CELF4: variants seen among roughly 807,000 people sequenced by gnomAD.
CELF4 encodes the protein CUGBP Elav-like family member 4.
A neutral mutation model predicts 59.9 loss-of-function variants in CELF4; 18 were observed. The observed-to-expected ratio is 0.30, with a 90% CI of 0.21 to 0.45. CELF4 has a LOEUF of 0.45. CELF4 is among the 20% of genes least tolerant of loss of function. The pLI is 1.00. For missense variants in CELF4, 456 were observed against 689.0 expected (o/e 0.66, Z 3.79); for synonymous variants, 261 against 267.1 (o/e 0.98, Z 0.22).
intron 1 of CELF4, among the ~76,000 whole-genome samples, chr18:37,538,944 G>A (rs1362264195): frequency 2.0e-5 from 3 of 152,128 alleles, no homozygotes; most frequent in African/African-American, 7.2e-5. Context: ...CCTCTCTGCG[G>A]AGTCTCCTTC....
intron 2 of CELF4, among the ~76,000 whole-genome samples, chr18:37,326,595 G>A (rs2097322805): frequency 6.6e-6 from 1 of 152,168 alleles, no homozygotes; most frequent in African/African-American, 2.4e-5. Context: ...AGCCAGGCCT[G>A]CCTTCCCTGG....
intron 1 of CELF4, among the ~76,000 whole-genome samples, chr18:37,492,338 T>C (rs1036420395): frequency 6.6e-6 from 1 of 152,120 alleles, no homozygotes; most frequent in Non-Finnish European, 1.5e-5. Flanking sequence ...CATCACTCCT[T>C]AGTGGTCCTC....
chr18:37,336,188 G>A (rs748963301), intron 2 of CELF4, among the ~76,000 whole-genome samples: 7 of 152,114 alleles, frequency 4.6e-5, no homozygotes, highest in South Asian at 2.1e-4. Context: ...GCCAGAATGC[G>A]CCCCTCACGG....
intron 3 of CELF4, among the ~76,000 whole-genome samples, chr18:37,293,626 T>A (rs914161463): frequency 6.6e-6 from 1 of 152,164 alleles, no homozygotes; most frequent in Non-Finnish European, 1.5e-5. Context: ...CTGTAGGCTG[T>A]GAGATCACTG....
At chr18:37,440,571 A>G (rs1021165951) in intron 2 of CELF4, among the ~76,000 whole-genome samples, 15 of 152,210 alleles carry the variant, frequency 9.9e-5, no homozygotes, top group African/African-American at 3.6e-4. Context: ...ACAGAGGAGA[A>G]GTGGTGTCTC....
intron 3 of CELF4, among the ~76,000 whole-genome samples, chr18:37,318,956 C>G (rs1303016054): frequency 4.6e-5 from 7 of 152,154 alleles, no homozygotes; most frequent in African/African-American, 1.7e-4. Flanking sequence ...CATGCCATCC[C>G]CCCTTCTCAA....
intron 3 of CELF4, among the ~76,000 whole-genome samples, chr18:37,286,163 G>C (rs1170538052): frequency 6.6e-6 from 1 of 152,134 alleles, no homozygotes; most frequent in Non-Finnish European, 1.5e-5. Flanking sequence ...GCAAGAAGAG[G>C]AGAGACCAAG....
intron 1 of CELF4, among the ~76,000 whole-genome samples, chr18:37,551,324 C>A (rs1015775092): frequency 2.6e-5 from 4 of 152,194 alleles, no homozygotes; most frequent in Non-Finnish European, 4.4e-5. Context: ...CCATGACTGC[C>A]CCCCTGGGCT....
intron 11 of CELF4, among the ~76,000 whole-genome samples, chr18:37,257,976 A>T (rs551411412): frequency 6.6e-6 from 1 of 152,214 alleles, no homozygotes; most frequent in Non-Finnish European, 1.5e-5. Context: ...TGCCAGACTT[A>T]GCAAATAAAA....
chr18:37,326,316 G>A (rs1318020718), intron 2 of CELF4, among the ~76,000 whole-genome samples: 2 of 152,194 alleles, frequency 1.3e-5, no homozygotes, highest in African/African-American at 2.4e-5. Context: ...TGCCCTTCTT[G>A]TAACTTTGCC....
At position 37,275,197 on chromosome 18, in the gene CELF4, C is replaced by G; in HGVS notation, c.495G>C (p.Glu165Asp). ...CCTCGAAAAGGCGGCGCACGTCGTC[C>G]TCGGACTGTTGCTTGTTGAGCATGC... ...FVGMLNKQQSEDDVRRLFEAF... is the reference protein window; with the variant it reads ...FVGMLNKQQSDDDVRRLFEAF... The change falls in exon 4 of 13, where the codon GAG becomes GAC. Residue 165 changes from glutamate to aspartate, a missense_variant. Physicochemically the swap from Glu to Asp is conservative, Grantham distance 45. Around this residue, in one of 7 missense-constraint regions of CELF4, gnomAD observed 56 missense variants for 92.0 expected, o/e 0.61. Coordinates refer to ENST00000420428, the MANE Select transcript of CELF4 (RefSeq NM_020180.4). 6.2e-7 allele frequency: 1 copy of G among 1,613,718 alleles called. No homozygotes were observed. Among genetic ancestry groups the G allele is most frequent in the Non-Finnish European group, 8.5e-7 (1 of 1,179,894 alleles).
intron 2 of CELF4, among the ~76,000 whole-genome samples, chr18:37,352,861 AG>A (rs2098469968): frequency 1.3e-5 from 2 of 151,514 alleles, no homozygotes; most frequent in East Asian, 3.9e-4. Flanking sequence ...ACCAAGGTGC[AG>A]AGTGGGACGG....
At chr18:37,504,243 C>A (rs959899788) in intron 1 of CELF4, among the ~76,000 whole-genome samples, 1 of 152,116 alleles carries the variant, frequency 6.6e-6, no homozygotes, top group Non-Finnish European at 1.5e-5. Flanking sequence ...GTAATCCCAG[C>A]ACCTTGGGAG....
chr18:37,438,880 A>T (rs992677674), intron 2 of CELF4, among the ~76,000 whole-genome samples: 1 of 152,064 alleles, frequency 6.6e-6, no homozygotes. Flanking sequence ...TCTCTCCCCA[A>T]ATTGAAAGGA....
At chr18:37,373,352 C>G (rs55739512) in intron 2 of CELF4, among the ~76,000 whole-genome samples, 36,093 of 152,110 alleles carry the variant, frequency 0.24, 4,477 homozygotes, top group East Asian at 0.32. Context: ...GAGGGGACGA[C>G]CAGGCTCTTA....
In CELF4 at chr18:37,253,975, C is replaced by A; in HGVS notation, c.1334-37G>T. Reference sequence around the variant, plus strand: ...CGAGGGACGAGGGCCTGGGTTTCCACGGGGCCGCCCGGGGCGCTGCCGGCG... The same window carrying A: ...CGAGGGACGAGGGCCTGGGTTTCCAAGGGGCCGCCCGGGGCGCTGCCGGCG... On this transcript the variant is annotated intron_variant, in intron 11 of 12. Transcript: ENST00000420428. The surrounding 1 kb of genome is among the most constrained non-coding windows in gnomAD (Gnocchi z 4.5). 9.7e-6 allele frequency: 12 copies of A among 1,238,732 alleles called. 1 individual carries two copies. Among genetic ancestry groups the A allele is most frequent in the South Asian group, 7.0e-5 (5 of 71,832 alleles). 76.7% of individuals were successfully genotyped at this position (1,238,732 alleles called of 1,614,324 possible).
At chr18:37,258,407 T>G (rs1356931975) in intron 11 of CELF4, among the ~76,000 whole-genome samples, 1 of 151,954 alleles carries the variant, frequency 6.6e-6, no homozygotes, top group Non-Finnish European at 1.5e-5. Context: ...CTCCCTTCCT[T>G]TTTGTGTATT....
rs2060983594 is a variant in CELF4, at chr18:37,243,507, C to CT, written c.*1734dup. 1 of 152,110 alleles carries CT rather than the reference C, an allele frequency of 6.6e-6. No homozygotes were observed. The highest frequency in any genetic ancestry group is 2.1e-4 in the South Asian group (1 of 4,832). 9.4% of individuals were successfully genotyped at this position (152,110 alleles called of 1,614,324 possible). On this transcript the variant is annotated 3_prime_UTR_variant, in exon 13 of 13. Coordinates refer to ENST00000420428, the MANE Select transcript of CELF4 (RefSeq NM_020180.4). ...AAATAATTCAGTGTTTTTTCTGATT[C>CT]TGAGTTTTTTAAGCAATGTCTTTAA...
intron 3 of CELF4, among the ~76,000 whole-genome samples, chr18:37,315,151 C>T (rs1255053070): frequency 3.9e-5 from 6 of 152,120 alleles, no homozygotes; most frequent in African/African-American, 1.4e-4. Flanking sequence ...GCTAGACCCG[C>T]TCCCTCCCAA....
Sources: gnomAD v4.1 joint callset for allele counts (sites outside exome capture counted in the v4.1 genomes callset) on GRCh38, gnomAD v4.1.1 for gene constraint, gnomAD v4.1.1 regional missense constraint, Gnocchi (gnomAD v3.1) non-coding constraint, MANE v1.5 for transcripts, NCBI Gene and HGNC (gene_info 2026-07-23, HGNC 2026-07-21) for gene names.